AGBL4: variants seen among roughly 807,000 people sequenced by gnomAD.
AGBL4 encodes cytosolic carboxypeptidase 6.
In AGBL4, 58 loss-of-function variants were observed where a neutral mutation model predicts 66.4. That is an observed-to-expected ratio of 0.87 (90% CI 0.71 to 1.09). The LOEUF (loss-of-function observed/expected upper bound fraction) is 1.09, where lower values mean the gene tolerates loss of function less well. AGBL4 is among the 50% of genes least tolerant of loss of function. The pLI, the probability that AGBL4 is intolerant of heterozygous loss-of-function variation, is 0.00. For missense variants in AGBL4, 579 were observed against 631.0 expected (o/e 0.92, Z 0.88); for synonymous variants, 234 against 222.9 (o/e 1.05, Z -0.44).
At chr1:49,782,255 T>G (rs1009407571) in intron 2 of AGBL4, among the ~76,000 whole-genome samples, 1 of 151,722 alleles carries the variant, frequency 6.6e-6, no homozygotes, top group Non-Finnish European at 1.5e-5. Context: ...CACAAACTAT[T>G]AAAATTAAGA....
intron 3 of AGBL4, among the ~76,000 whole-genome samples, chr1:49,257,159 T>C (rs1652584743): frequency 6.6e-6 from 1 of 151,208 alleles, no homozygotes; most frequent in Non-Finnish European, 1.5e-5. Context: ...AAAATGAAAG[T>C]CAATGATTGA....
chr1:48,798,440 T>C (rs895515707), intron 6 of AGBL4, among the ~76,000 whole-genome samples: 4 of 152,236 alleles, frequency 2.6e-5, no homozygotes, highest in Admixed American at 6.5e-5. Flanking sequence ...CTGTTTATTC[T>C]GCTGATTATT....
chr1:49,065,390 GA>G (rs1199035375), intron 4 of AGBL4, among the ~76,000 whole-genome samples: 1 of 152,212 alleles, frequency 6.6e-6, no homozygotes, highest in African/African-American at 2.4e-5. Flanking sequence ...ATTCAAATGG[GA>G]AGAAAGACTT....
chr1:49,064,836 A>G (rs1644464065), intron 4 of AGBL4, among the ~76,000 whole-genome samples: 1 of 152,218 alleles, frequency 6.6e-6, no homozygotes, highest in Non-Finnish European at 1.5e-5. Flanking sequence ...AAACAAGCAG[A>G]TTATATTAAA....
chr1:49,864,755 C>T (rs149121892), intron 1 of AGBL4, among the ~76,000 whole-genome samples: 6 of 152,296 alleles, frequency 3.9e-5, no homozygotes, highest in Admixed American at 1.3e-4. Context: ...CAGCTGGAGA[C>T]TGCCTAAAAT....
intron 5 of AGBL4, among the ~76,000 whole-genome samples, chr1:48,919,716 T>C (rs922107471): frequency 6.6e-6 from 1 of 152,192 alleles, no homozygotes; most frequent in African/African-American, 2.4e-5. Flanking sequence ...ACCCACTAGA[T>C]GCCAGTAACA....
At chr1:48,674,463 G>C (rs1169235170) in intron 6 of AGBL4, among the ~76,000 whole-genome samples, 1 of 146,880 alleles carries the variant, frequency 6.8e-6, no homozygotes, top group East Asian at 2.1e-4. Context: ...ACCCCAAGCC[G>C]TCGTTCACTC....
chr1:49,281,090 C>A (rs1442343390), intron 3 of AGBL4, among the ~76,000 whole-genome samples: 1 of 152,128 alleles, frequency 6.6e-6, no homozygotes, highest in African/African-American at 2.4e-5. Context: ...ATAAGTATTA[C>A]AGGCAGACAT....
intron 1 of AGBL4, among the ~76,000 whole-genome samples, chr1:49,893,363 A>T (rs574804495): frequency 6.6e-6 from 1 of 152,280 alleles, no homozygotes; most frequent in South Asian, 2.1e-4. Context: ...CCTTCATAAC[A>T]ACCAAAAATC....
chr1:48,600,229 A>G (rs754457264), intron 9 of AGBL4, among the ~76,000 whole-genome samples: 8 of 152,202 alleles, frequency 5.3e-5, no homozygotes, highest in Non-Finnish European at 1.2e-4. Context: ...AAATGAATAA[A>G]TAAATGAATG....
chr1:49,941,179 A>G (rs1241785014), intron 1 of AGBL4, among the ~76,000 whole-genome samples: 1 of 152,188 alleles, frequency 6.6e-6, no homozygotes, highest in Non-Finnish European at 1.5e-5. Flanking sequence ...AGTAGATTTA[A>G]TCAGTAGTTT....
chr1:49,846,259 A>G, intron 2 of AGBL4: 1 of 1,469,750 alleles, frequency 6.8e-7, no homozygotes, highest in South Asian at 1.1e-5. Context: ...ACGATTGTGG[A>G]AAGTCCTTTA....
At chr1:49,171,999 G>A (rs1646747604) in intron 4 of AGBL4, among the ~76,000 whole-genome samples, 1 of 152,156 alleles carries the variant, frequency 6.6e-6, no homozygotes, top group Non-Finnish European at 1.5e-5. Flanking sequence ...ATAGTAAATA[G>A]TGGAGCTGAT....
At chr1:49,721,978 C>A (rs538941503) in intron 2 of AGBL4, among the ~76,000 whole-genome samples, 1 of 152,198 alleles carries the variant, frequency 6.6e-6, no homozygotes, top group South Asian at 2.1e-4. Context: ...GAAAGTTGGA[C>A]AATTATTTGG....
intron 6 of AGBL4, among the ~76,000 whole-genome samples, chr1:48,774,602 T>A (rs1431248022): frequency 2.0e-5 from 3 of 152,242 alleles, no homozygotes; most frequent in East Asian, 3.8e-4. Flanking sequence ...TTGGGTTTTT[T>A]AAATAACCAT....
chr1:48,734,695 A>G (rs1055679424), intron 6 of AGBL4, among the ~76,000 whole-genome samples: 2 of 152,210 alleles, frequency 1.3e-5, no homozygotes, highest in African/African-American at 4.8e-5. Flanking sequence ...TGCTTCTTCC[A>G]CATCCAGATT....
chr1:49,361,012 G>T (rs1249110162), intron 3 of AGBL4, among the ~76,000 whole-genome samples: 3 of 151,926 alleles, frequency 2.0e-5, no homozygotes, highest in African/African-American at 7.3e-5. Context: ...TGGCCAGGCT[G>T]CTCTCGAACT....
intron 1 of AGBL4, among the ~76,000 whole-genome samples, chr1:49,894,711 A>G (rs541698883): frequency 6.0e-4 from 91 of 152,280 alleles, no homozygotes; most frequent in African/African-American, 1.7e-3. Context: ...TTGAAAACAC[A>G]CAGTCAGAGG....
At chr1:49,499,447 T>C (rs779361948) in intron 3 of AGBL4, among the ~76,000 whole-genome samples, 2 of 151,932 alleles carry the variant, frequency 1.3e-5, no homozygotes, top group African/African-American at 2.4e-5. Flanking sequence ...ATTTCTAAAA[T>C]GTTGGTGCAC....
Sources: allele counts gnomAD v4.1 joint callset (sites outside exome capture counted in the v4.1 genomes callset), GRCh38; gene constraint gnomAD v4.1.1; transcripts MANE v1.5; gene names NCBI Gene and HGNC (gene_info 2026-07-23, HGNC 2026-07-21).